ANK2: variants seen among roughly 807,000 people sequenced by gnomAD.
ANK2 encodes ankyrin-2.
In ANK2, 83 loss-of-function variants were observed where a neutral mutation model predicts 360.5. The observed-to-expected ratio is 0.23, with a 90% confidence interval of 0.19 to 0.28. ANK2 has a LOEUF of 0.28. Among genes scored for constraint, ANK2 ranks in the 10% least tolerant of loss-of-function variants. The probability of loss-of-function intolerance (pLI) is 1.00; values close to 1 mark genes in which losing one functional copy is unlikely to be tolerated. For missense variants in ANK2, 4,201 were observed against 4,795.7 expected (o/e 0.88, Z 3.66); for synonymous variants, 1,740 against 1,759.5 (o/e 0.99, Z 0.28).
intron 1 of ANK2, among the ~76,000 whole-genome samples, chr4:113,071,455 C>T (rs17045523): frequency 0.19 from 28,822 of 152,120 alleles, 2,879 homozygotes; most frequent in South Asian, 0.29. Context: ...ATTTGCCTTA[C>T]CCGGGCTGTT....
At chr4:113,236,518 G>A (rs1169917810) in intron 5 of ANK2, among the ~76,000 whole-genome samples, 1 of 152,090 alleles carries the variant, frequency 6.6e-6, no homozygotes, top group Non-Finnish European at 1.5e-5. Flanking sequence ...ATCCCCAGGG[G>A]CTGTTTTCCC....
the ANK2 span, among the ~76,000 whole-genome samples, chr4:112,733,889 A>C: frequency 2.0e-5 from 3 of 152,094 alleles, no homozygotes; most frequent in Non-Finnish European, 4.4e-5. Context: ...ATTCTCCTGC[A>C]TCAGCCTCCC....
the ANK2 span, among the ~76,000 whole-genome samples, chr4:112,793,706 CTTTT>C: frequency 1.5e-5 from 2 of 134,802 alleles, no homozygotes. Context: ...ATTTTCTTTT[CTTTT>C]TTTTTTTTTT....
chr4:113,048,917 GACACAC>G (rs55814667), upstream of ANK2, among the ~76,000 whole-genome samples: 51,590 of 138,968 alleles, frequency 0.37, 9,360 homozygotes, highest in Non-Finnish European at 0.4. Flanking sequence ...CCCCTACCCA[GACACAC>G]ACACACACAC....
chr4:112,997,777 G>GTA (rs2049112435), intron 2 of ANK2, among the ~76,000 whole-genome samples: 2 of 151,034 alleles, frequency 1.3e-5, no homozygotes, highest in South Asian at 4.2e-4. Flanking sequence ...ATATACACAT[G>GTA]TATACAAATG....
intron 2 of ANK2, among the ~76,000 whole-genome samples, chr4:112,913,768 G>A (rs986874331): frequency 1.3e-5 from 2 of 152,144 alleles, no homozygotes; most frequent in Non-Finnish European, 2.9e-5. Flanking sequence ...AAATCATAGA[G>A]AAGTTATAAC....
At chr4:113,275,716 T>TAA (rs34332693) in intron 15 of ANK2, among the ~76,000 whole-genome samples, 29 of 141,114 alleles carry the variant, frequency 2.1e-4, no homozygotes, top group African/African-American at 5.9e-4. Context: ...TAAAAGTTCT[T>TAA]AAAAAAAAAA....
At chr4:112,846,731 A>C (rs1337649841) in intron 1 of ANK2, among the ~76,000 whole-genome samples, 1 of 151,772 alleles carries the variant, frequency 6.6e-6, no homozygotes, top group Non-Finnish European at 1.5e-5. Flanking sequence ...CTCATGTTTC[A>C]ATATATGTTG....
At chr4:113,020,112 T>C (rs1561562731) in intron 2 of ANK2, among the ~76,000 whole-genome samples, 1 of 152,220 alleles carries the variant, frequency 6.6e-6, no homozygotes, top group Non-Finnish European at 1.5e-5. Context: ...ATTTTCACTA[T>C]TTTTTAATGT....
At chr4:113,177,092 T>C (rs568169829) in intron 2 of ANK2, among the ~76,000 whole-genome samples, 13 of 152,302 alleles carry the variant, frequency 8.5e-5, no homozygotes, top group Admixed American at 4.6e-4. Context: ...ATATGGAATA[T>C]TTAATACTTT....
intron 1 of ANK2, among the ~76,000 whole-genome samples, chr4:112,843,562 A>G (rs1029181905): frequency 6.6e-6 from 1 of 152,192 alleles, no homozygotes; most frequent in Non-Finnish European, 1.5e-5. Context: ...ACACATTAGC[A>G]TATGGAAAAG....
chr4:113,326,309 A>C (rs1047201291), intron 26 of ANK2, among the ~76,000 whole-genome samples: 10 of 152,190 alleles, frequency 6.6e-5, no homozygotes, highest in African/African-American at 2.2e-4. Flanking sequence ...TGATAAGCAT[A>C]CCTATTGTCA....
intron 24 of ANK2, among the ~76,000 whole-genome samples, chr4:113,311,946 C>T (rs1230121506): frequency 6.6e-6 from 1 of 152,090 alleles, no homozygotes; most frequent in Non-Finnish European, 1.5e-5. Flanking sequence ...ACAATCGGAG[C>T]AAAATCTGAG....
At chr4:112,784,862 A>G in the ANK2 span, among the ~76,000 whole-genome samples, 2 of 152,216 alleles carry the variant, frequency 1.3e-5, no homozygotes, top group Non-Finnish European at 2.9e-5. Context: ...AATTCTCATG[A>G]AAGATTCTCA....
chr4:112,831,931 G>A (rs919098799), intron 1 of ANK2, among the ~76,000 whole-genome samples: 2 of 152,066 alleles, frequency 1.3e-5, no homozygotes, highest in African/African-American at 4.8e-5. Flanking sequence ...CCCACCAGAA[G>A]GAAGAAACTC....
intron 1 of ANK2, among the ~76,000 whole-genome samples, chr4:112,882,522 A>G (rs77998834): frequency 0.012 from 1,903 of 152,252 alleles, 30 homozygotes; most frequent in African/African-American, 0.034. Context: ...ATGGAAACCT[A>G]ATCTGGGGGT....
At chr4:113,348,572 A>G (rs2095143675) in intron 36 of ANK2, among the ~76,000 whole-genome samples, 1 of 152,108 alleles carries the variant, frequency 6.6e-6, no homozygotes, top group Admixed American at 6.5e-5. Flanking sequence ...CTAAACCATT[A>G]TCTCAGGGGT....
At chr4:112,837,589 A>G (rs2061268537) in intron 1 of ANK2, among the ~76,000 whole-genome samples, 1 of 152,272 alleles carries the variant, frequency 6.6e-6, no homozygotes, top group South Asian at 2.1e-4. Flanking sequence ...CCATGAAAGC[A>G]GCCTCAGGGG....
chr4:113,288,081 A>G (rs747855139), intron 19 of ANK2, among the ~76,000 whole-genome samples: 1 of 152,088 alleles, frequency 6.6e-6, no homozygotes, highest in Non-Finnish European at 1.5e-5. Context: ...CCCATTCTTT[A>G]AGCCTGCTGT....
Sources: allele counts gnomAD v4.1 joint callset (sites outside exome capture counted in the v4.1 genomes callset), GRCh38; gene constraint gnomAD v4.1.1; transcripts MANE v1.5; gene names NCBI Gene and HGNC (gene_info 2026-07-23, HGNC 2026-07-21).